LMF1: variants seen among roughly 807,000 people sequenced by gnomAD.
LMF1 encodes transmembrane protein 112.
A neutral mutation model predicts 60.6 loss-of-function variants in LMF1; 68 were observed. The observed-to-expected ratio is 1.12, with a 90% CI of 0.92 to 1.37. The LOEUF is 1.37. Among genes scored for constraint, LMF1 ranks in the 40% most tolerant of loss-of-function variants. The pLI, the probability that LMF1 is intolerant of heterozygous loss-of-function variation, is 0.00. For synonymous variants in LMF1, 418 were observed against 324.7 expected, an observed-to-expected ratio of 1.29 and a Z score of -3.09; for missense variants, 948 against 767.2, an observed-to-expected ratio of 1.24 and a Z score of -2.78.
intron 10 of LMF1, among the ~76,000 whole-genome samples, chr16:867,632 T>C (rs1396729401): frequency 1.3e-5 from 2 of 152,200 alleles, no homozygotes; most frequent in African/African-American, 4.8e-5. Flanking sequence ...GCAAGTCACC[T>C]GGAGCTTGAT....
chr16:919,952 C>T (rs1186489313), intron 3 of LMF1, among the ~76,000 whole-genome samples: 1 of 152,184 alleles, frequency 6.6e-6, no homozygotes, highest in South Asian at 2.1e-4. Flanking sequence ...CAAGACTGCC[C>T]GGACACCACC....
At chr16:888,600 G>A (rs1372230929) in intron 5 of LMF1, among the ~76,000 whole-genome samples, 1 of 152,202 alleles carries the variant, frequency 6.6e-6, no homozygotes, top group Non-Finnish European at 1.5e-5. Context: ...ACCTGCTGTT[G>A]CATCCGCGTC....
chr16:875,626 A>C (rs532473529), intron 6 of LMF1, among the ~76,000 whole-genome samples: 5 of 152,236 alleles, frequency 3.3e-5, no homozygotes, highest in Non-Finnish European at 7.4e-5. Flanking sequence ...TACAGGGTAC[A>C]CGGGCCATGG....
At position 854,375 on chromosome 16, in the gene LMF1, C is replaced by T; in HGVS notation, c.*157G>A. The stretch of plus-strand genomic sequence containing the variant: ...TGGGAGCCGCCACAGTATGTGACAA[C>T]AGACCCCACCCTGGACCCCCGTGCT... On this transcript the variant is annotated 3_prime_UTR_variant, in exon 11 of 11. Coordinates refer to ENST00000262301, the MANE Select transcript of LMF1 (RefSeq NM_022773.4). 1.2e-6 allele frequency: 1 copy of T among 830,850 alleles called. No homozygotes were observed. Among genetic ancestry groups the T allele is most frequent in the Non-Finnish European group, 2.0e-6 (1 of 509,280 alleles). 51.5% of individuals were successfully genotyped at this position (830,850 alleles called of 1,614,324 possible). A position where few individuals can be genotyped will look rare whatever the true frequency, so the allele number is the denominator to read the frequency against.
At chr16:877,806 T>C (rs1394259833) in intron 6 of LMF1, among the ~76,000 whole-genome samples, 2 of 152,094 alleles carry the variant, frequency 1.3e-5, no homozygotes, top group African/African-American at 4.8e-5. Flanking sequence ...GACGCGTCTC[T>C]GAGGGACCCG....
chr16:903,984 C>T (rs1451461169), intron 4 of LMF1: 5 of 174,370 alleles, frequency 2.9e-5, no homozygotes, highest in Admixed American at 1.6e-4. Flanking sequence ...GCACTGCCCA[C>T]AGGACGCCTG....
At chr16:941,355 G>T (rs935155885) in intron 2 of LMF1, among the ~76,000 whole-genome samples, 5 of 152,122 alleles carry the variant, frequency 3.3e-5, no homozygotes, top group African/African-American at 1.2e-4. Context: ...GAGTGGCTGG[G>T]ACTACAGGCA....
At chr16:868,893 A>C in intron 10 of LMF1, 51 bp downstream of exon 10, 1 of 1,173,582 alleles carries the variant, frequency 8.5e-7, no homozygotes, top group South Asian at 1.2e-5. Flanking sequence ...ATCCCAGCAG[A>C]CACCTGGATT....
intron 3 of LMF1, among the ~76,000 whole-genome samples, chr16:928,750 C>T (rs956908890): frequency 3.3e-5 from 5 of 151,624 alleles, no homozygotes; most frequent in African/African-American, 1.2e-4. Flanking sequence ...CCCATCCCCA[C>T]GCCCCCACGG....
intron 3 of LMF1, among the ~76,000 whole-genome samples, chr16:919,891 C>T (rs2071387269): frequency 6.6e-6 from 1 of 152,158 alleles, no homozygotes; most frequent in South Asian, 2.1e-4. Context: ...GGACCCCCTT[C>T]CTCCGAGGCA....
chr16:971,105 C>G, upstream of LMF1: 1 of 1,039,400 alleles, frequency 9.6e-7, no homozygotes, highest in South Asian at 2.5e-5. Flanking sequence ...CCCCGGGAGG[C>G]CCCGCTCACA....
intron 4 of LMF1, among the ~76,000 whole-genome samples, chr16:905,461 TG>T (rs139756694): frequency 6.6e-6 from 1 of 152,286 alleles, no homozygotes; most frequent in African/African-American, 2.4e-5. Flanking sequence ...CAGCTGTTCT[TG>T]GGGGGAGGAA....
At chr16:869,700 G>A (rs909875116) in intron 9 of LMF1, among the ~76,000 whole-genome samples, 183 bp downstream of exon 9, 1 of 152,154 alleles carries the variant, frequency 6.6e-6, no homozygotes, top group Admixed American at 6.5e-5. Context: ...CCCACATGAG[G>A]CCCCTCCTAA....
At chr16:859,086 GTGTCTCGGGACGGGTGTGCAGTGA>G (rs1567135423) in intron 10 of LMF1, among the ~76,000 whole-genome samples, 22 of 119,242 alleles carry the variant, frequency 1.8e-4, no homozygotes, top group Non-Finnish European at 2.8e-4. Context: ...GGTGTGAGTG[GTGTCTCGGGACGGGTGTGCAGTGA>G]TGTCTCGGGA....
In LMF1 at chr16:918,017, A is replaced by G. The variant is rs537888940; in HGVS notation, c.515-6938T>C. Reference sequence around the variant, plus strand: ...GACATACAGGTGCAGAGCTGGGGACATGGCGTCGGGACGTGGCGCGGGGCG... The same window carrying G: ...GACATACAGGTGCAGAGCTGGGGACGTGGCGTCGGGACGTGGCGCGGGGCG... On this transcript the variant is annotated intron_variant, in intron 3 of 10. Transcript: ENST00000262301. 3.1e-3 allele frequency among the ~76,000 whole-genome samples: 472 copies of G among 152,362 alleles called. 3 individuals carry two copies. The highest frequency in any genetic ancestry group is 0.011 in the African/African-American group (443 of 41,594).
rs898309224 is a variant in LMF1 at position 864,077 on chromosome 16, C to G, written c.1529+4867G>C. On this transcript the variant is annotated intron_variant, in intron 10 of 10. Coordinates refer to ENST00000262301, the MANE Select transcript of LMF1 (RefSeq NM_022773.4). ...CATCCAGCCGTAATTGTTGATTTGT[C>G]GAGCTCTCCTTTCAGTTCTTTTTCT... Among the ~76,000 whole-genome samples, 6 of 152,154 alleles carry G rather than the reference C, an allele frequency of 3.9e-5. No homozygotes were observed. The East Asian group carries it at 9.6e-4, about 24-fold the overall frequency.
At chr16:975,505 C>T (rs72769446), upstream of LMF1, among the ~76,000 whole-genome samples, 11,956 of 152,216 alleles carry the variant, frequency 0.079, 499 homozygotes, top group African/African-American at 0.11. Flanking sequence ...CAGAGCCCAC[C>T]GTTGTGTGTC....
intron 1 of LMF1, among the ~76,000 whole-genome samples, chr16:955,221 G>T (rs71384619): frequency 0.014 from 449 of 31,340 alleles, 93 homozygotes; most frequent in African/African-American, 0.075. Context: ...TTACATAAAA[G>T]GCGTGCCTGC....
intron 4 of LMF1, among the ~76,000 whole-genome samples, chr16:894,785 C>T (rs2070615202): frequency 6.6e-6 from 1 of 152,236 alleles, no homozygotes; most frequent in African/African-American, 2.4e-5. Flanking sequence ...GGCCGCCTCC[C>T]ATCAGCGAGT....
Sources: gnomAD v4.1 joint callset for allele counts (sites outside exome capture counted in the v4.1 genomes callset) on GRCh38, gnomAD v4.1.1 for gene constraint, MANE v1.5 for transcripts, NCBI Gene and HGNC (gene_info 2026-07-23, HGNC 2026-07-21) for gene names.